Variants in SLAMF7 observed in about 807,000 individuals in gnomAD.
SLAMF7 encodes the protein SLAM family member 7, also known as 19A24 protein.
In SLAMF7, 26 loss-of-function variants were observed where a neutral mutation model predicts 34.1. The ratio of observed to expected loss-of-function variants is 0.76; its 90% CI spans 0.56 to 1.06. The LOEUF is 1.06. Ranked by LOEUF, SLAMF7 falls within the 50% of genes least tolerant of loss-of-function variation. The pLI is 0.00. For synonymous variants in SLAMF7, 171 were observed against 156.4 expected, an observed-to-expected ratio of 1.09 and a Z score of -0.70; for missense variants, 399 against 402.5, an observed-to-expected ratio of 0.99 and a Z score of 0.07.
In SLAMF7 at chr1:160,748,203, C is replaced by A; in HGVS notation, c.65C>A (p.Ala22Asp). The A allele has an allele frequency of 6.2e-7, 1 of 1,613,830 alleles. No individual in the cohort carries two copies. The highest frequency in any genetic ancestry group is 8.5e-7 in the Non-Finnish European group (1 of 1,179,838). ...TTCTCTGTGTTTATAGGGTCAGCAG[C>A]CTCTGGACCCGTGAAAGAGCTGGTC... ...YILWQLTGSA[A>D]SGPVKELVGS... Residue 22 changes from alanine to aspartate, a missense_variant, in exon 2 of 7, where the codon GCC (alanine) becomes GAC (aspartate). Ala to Asp is a moderately radical substitution (Grantham distance 126). Transcript: ENST00000368043.
rs1664302649 is a variant in SLAMF7 at position 160,748,443 on chromosome 1, T to C, written c.305T>C (p.Ile102Thr). Residue 102 changes from isoleucine (I) to threonine (T), a missense_variant, in exon 2 of 7, where the codon ATC (isoleucine) becomes ACC (threonine). By Grantham distance (89) the Ile-to-Thr change is moderately conservative (BLOSUM62 -1). Transcript: ENST00000368043. ...LSKLKKNDSG[I>T]YYVGIYSSSL... is the part of the protein sequence containing the mutation. ...AAACTGAAGAAGAATGACTCAGGGA[T>C]CTACTATGTGGGGATATACAGCTCA... 3.7e-6 allele frequency: 6 copies of C among 1,614,036 alleles called. No individual in the cohort carries two copies. Among genetic ancestry groups the C allele is most frequent in the Non-Finnish European group, 5.1e-6 (6 of 1,179,958 alleles).
At chr1:160,750,263 G>T in intron 3 of SLAMF7, 41 bp from the exon 4 acceptor site, 1 of 1,606,030 alleles carries the variant, frequency 6.2e-7, no homozygotes, top group South Asian at 1.1e-5. Flanking sequence ...TTCCTGAGCT[G>T]ACTTTTCTCC....
chr1:160,740,175 T>C (rs1220499582), intron 1 of SLAMF7, among the ~76,000 whole-genome samples: 2 of 151,964 alleles, frequency 1.3e-5, no homozygotes, highest in African/African-American at 2.4e-5. Context: ...CCTGCATCGC[T>C]AAGTGGTCAG....
chr1:160,747,092 G>C (rs1664191944), intron 1 of SLAMF7, among the ~76,000 whole-genome samples: 3 of 152,334 alleles, frequency 2.0e-5, no homozygotes, highest in Admixed American at 2.0e-4. Context: ...AGGGTCACCA[G>C]AGTTACTGCC....
At chr1:160,752,631 A>G (rs897601988) in intron 6 of SLAMF7, among the ~76,000 whole-genome samples, 1 of 152,230 alleles carries the variant, frequency 6.6e-6, no homozygotes, top group African/African-American at 2.4e-5. Flanking sequence ...AAACTGCAGG[A>G]GGGAGAGATC....
At chr1:160,753,066 C>G in intron 6 of SLAMF7, 40 bp from the exon 7 acceptor site, 2 of 1,584,402 alleles carry the variant, frequency 1.3e-6, no homozygotes, top group Admixed American at 1.7e-5. Flanking sequence ...CAGAGCCCTG[C>G]TCACCTCCCT....
intron 1 of SLAMF7, among the ~76,000 whole-genome samples, chr1:160,747,479 G>C (rs770781089): frequency 2.0e-5 from 3 of 152,184 alleles, no homozygotes; most frequent in Non-Finnish European, 4.4e-5. Context: ...AGGAGTTCAA[G>C]ATCAGCCTGG....
Position 160,750,178 on chromosome 1 carries a change from G to A in SLAMF7, c.649+85G>A, listed in dbSNP as rs761585403. 19 of 1,577,342 alleles carry A rather than the reference G, an allele frequency of 1.2e-5. No homozygotes were observed. The Admixed American group carries it at 3.4e-4, about 28-fold the overall frequency. The stretch of plus-strand genomic sequence containing the variant: ...CCTAGCCCCCATGGGAACAGACACT[G>A]TATGGAAACTGGAGGCCGCTGGGTG... On this transcript the variant is annotated intron_variant, in intron 3 of 6. Transcript: ENST00000368043.
At chr1:160,746,489 T>C (rs1391152346) in intron 1 of SLAMF7, among the ~76,000 whole-genome samples, 1 of 152,210 alleles carries the variant, frequency 6.6e-6, no homozygotes, top group Admixed American at 6.5e-5. Flanking sequence ...CACTTTATGT[T>C]AAGAGGCAGA....
At chr1:160,749,610 GTTGTTA>G (rs1664395802) in intron 2 of SLAMF7, among the ~76,000 whole-genome samples, 1 of 152,166 alleles carries the variant, frequency 6.6e-6, no homozygotes, top group Admixed American at 6.5e-5. Flanking sequence ...TATTTCTATT[GTTGTTA>G]TTGTTATTAT....
In SLAMF7 at chr1:160,748,390, A is replaced by G. The variant is rs746674354; in HGVS notation, c.252A>G (p.Pro84=). Residue 84 remains proline (P), a synonymous_variant, in exon 2 of 7, where the codon CCA becomes CCG. Coordinates refer to ENST00000368043, the MANE Select transcript of SLAMF7 (RefSeq NM_021181.5). ...QNRNRERVDF[P]DGGYSLKLSK... is the part of the protein sequence containing the mutation. ...GTAATAGGGAGAGAGTAGACTTCCC[A>G]GATGGAGGCTACTCCCTGAAGCTCA... 2.5e-6 allele frequency: 4 copies of G among 1,614,114 alleles called. No individual in the cohort carries two copies. Among genetic ancestry groups the G allele is most frequent in the Middle Eastern group, 1.7e-4 (1 of 6,060 alleles).
At chr1:160,739,092 A>G (rs143539641), upstream of SLAMF7, 565 of 603,912 alleles carry the variant, frequency 9.4e-4, 3 homozygotes, top group African/African-American at 9.6e-3. Flanking sequence ...CCAAATGCTG[A>G]TGAAGATGGG....
intron 2 of SLAMF7, 66 bp downstream of exon 2, chr1:160,748,580 A>C (rs1006742057): frequency 1.5e-5 from 22 of 1,434,870 alleles, no homozygotes; most frequent in Non-Finnish European, 2.1e-5. Context: ...TTGACATGAG[A>C]GATGTTTAAG....
Position 160,751,442 on chromosome 1 carries a change from C to T in SLAMF7, c.867C>T (p.His289=). 1 of 1,611,874 alleles carries T rather than the reference C, an allele frequency of 6.2e-7. No homozygotes were observed. Among genetic ancestry groups the T allele is most frequent in the East Asian group, 2.2e-5 (1 of 44,860 alleles). The change falls in exon 5 of 7, where the codon CAC becomes CAT. Residue 289 remains histidine (H), a synonymous_variant. Coordinates refer to ENST00000368043, the MANE Select transcript of SLAMF7 (RefSeq NM_021181.5). ...GENTEYDTIP[H]TNRTILKEDP... ...ACACAGAGTACGACACAATCCCTCA[C>T]ACTAATGTGAGTCCCTTCTCATCTT...
Position 160,750,074 on chromosome 1 carries a change from T to A in SLAMF7, c.630T>A (p.Leu210=). The A allele has an allele frequency of 6.2e-7, 1 of 1,613,998 alleles. No individual in the cohort carries two copies. The highest frequency in any genetic ancestry group is 2.2e-5 in the East Asian group (1 of 44,878). ...PVSRNFSSPI[L]ARKLCEGAAD... ...GCAGAAACTTCTCAAGCCCCATCCT[T>A]GCCAGGAAGCTCTGTGAAGGTGACT... Residue 210 remains leucine (L), a synonymous_variant, in exon 3 of 7, where the codon CTT becomes CTA. Transcript: ENST00000368043.
chr1:160,750,371 T>A lies in SLAMF7; in HGVS notation c.717T>A (p.Ser239Arg). The A allele has an allele frequency of 6.2e-7, 1 of 1,614,088 alleles. No individual in the cohort carries two copies. The change falls in exon 4 of 7, where the codon AGT becomes AGA. Residue 239 changes from serine to arginine, a missense_variant. Transcript: ENST00000368043. ...LCLLLVPLLL[S>R]LFVLGLFLWF... The stretch of plus-strand genomic sequence containing the variant: ...TCCTGTTGGTGCCCCTCCTGCTCAG[T>A]CTCTTTGTACTGGGGCTATTTCTTT...
chr1:160,741,518 T>C (rs2101652707), intron 1 of SLAMF7, among the ~76,000 whole-genome samples: 1 of 152,330 alleles, frequency 6.6e-6, no homozygotes, highest in Non-Finnish European at 1.5e-5. Context: ...AAGGGGGACT[T>C]GAGTAAAGTG....
At chr1:160,752,349 T>G in intron 6 of SLAMF7, 101 bp downstream of exon 6, 5 of 884,740 alleles carry the variant, frequency 5.7e-6, no homozygotes, top group Non-Finnish European at 7.3e-6. Flanking sequence ...TCATACTCTC[T>G]AGAATTAAAA....
intron 1 of SLAMF7, 198 bp downstream of exon 1, chr1:160,739,554 A>C (rs1663566053): frequency 1.9e-6 from 1 of 523,898 alleles, no homozygotes; most frequent in Admixed American, 3.7e-5. Flanking sequence ...GGCTCTGGGA[A>C]CTGACTCCCC....
Sources: gnomAD v4.1 joint callset for allele counts (sites outside exome capture counted in the v4.1 genomes callset) on GRCh38, gnomAD v4.1.1 for gene constraint, MANE v1.5 for transcripts, NCBI Gene and HGNC (gene_info 2026-07-23, HGNC 2026-07-21) for gene names.